Variants in CDYL observed in about 807,000 individuals in gnomAD.
CDYL encodes the protein chromodomain Y like.
A neutral mutation model predicts 47.3 loss-of-function variants in CDYL; 8 were observed. The ratio of observed to expected loss-of-function variants is 0.17; its 90% CI spans 0.10 to 0.31. The LOEUF (loss-of-function observed/expected upper bound fraction) is 0.31. Ranked by LOEUF, CDYL falls within the 10% of genes least tolerant of loss-of-function variation. The pLI is 1.00. For synonymous variants in CDYL, 266 were observed against 265.0 expected (o/e 1.00, Z -0.04); for missense variants, 471 against 701.4 (o/e 0.67, Z 3.71).
chr6:4,870,747 C>A (rs1388504391), intron 1 of CDYL, among the ~76,000 whole-genome samples: 1 of 152,098 alleles, frequency 6.6e-6, no homozygotes, highest in Non-Finnish European at 1.5e-5. Flanking sequence ...CTCAAATGTT[C>A]ACTGATTCTT....
intron 1 of CDYL, among the ~76,000 whole-genome samples, chr6:4,862,944 A>C (rs960763756): frequency 1.3e-5 from 2 of 152,228 alleles, no homozygotes; most frequent in African/African-American, 4.8e-5. Context: ...AAATCATGGA[A>C]TCTACTTAAG....
Position 4,730,674 on chromosome 6 carries a change from CAAAAAAAAAAAA to C in CDYL, c.104-4073_104-4062del, listed in dbSNP as rs56956798. Among the ~76,000 whole-genome samples, 389 of 60,460 alleles carry C rather than the reference CAAAAAAAAAAAA, an allele frequency of 6.4e-3. 3 individuals carry two copies. The highest frequency in any genetic ancestry group is 0.018 in the African/African-American group (371 of 20,714). The allele number at this position is 60,460 out of a possible 152,430, so 39.7% of individuals were successfully genotyped here. A position where few individuals can be genotyped will look rare whatever the true frequency, so the allele number is the denominator to read the frequency against. On this transcript the variant is annotated intron_variant, in intron 2 of 8. Transcript: ENST00000328908. ...GGGCAACAAGAGCGAAATTCCATCT[CAAAAAAAAAAAA>C]AAAAAAAAAAAAAAGAACATACCTC...
At chr6:4,858,503 C>T (rs530605201) in intron 1 of CDYL, among the ~76,000 whole-genome samples, 2 of 152,306 alleles carry the variant, frequency 1.3e-5, no homozygotes, top group East Asian at 1.9e-4. Flanking sequence ...CCAGAGCTCA[C>T]GGAGCTTAAG....
At chr6:4,734,987 CCTT>C (rs1757676239) in intron 3 of CDYL, 25 of 1,388,288 alleles carry the variant, frequency 1.8e-5, no homozygotes, top group Non-Finnish European at 2.4e-5. Flanking sequence ...GCTGTGGACT[CCTT>C]AGAATGATGT....
At chr6:4,765,594 T>G (rs1009547313) in intron 3 of CDYL, among the ~76,000 whole-genome samples, 1 of 151,656 alleles carries the variant, frequency 6.6e-6, no homozygotes, top group Non-Finnish European at 1.5e-5. Context: ...TACAGAGTCT[T>G]GCTCTGTCGC....
chr6:4,938,486 A>G (rs1758269332), intron 4 of CDYL, among the ~76,000 whole-genome samples: 2 of 152,212 alleles, frequency 1.3e-5, no homozygotes, highest in Admixed American at 6.5e-5. Flanking sequence ...ATATACTTAT[A>G]GTGTACAACA....
At chr6:4,925,552 A>T (rs1310171776) in intron 2 of CDYL, among the ~76,000 whole-genome samples, 3 of 151,298 alleles carry the variant, frequency 2.0e-5, no homozygotes, top group Admixed American at 2.0e-4. Context: ...AGTAGCTGGG[A>T]CTACAGGCAC....
chr6:4,856,137 A>G (rs1371944498), intron 1 of CDYL, among the ~76,000 whole-genome samples: 3 of 152,226 alleles, frequency 2.0e-5, no homozygotes, highest in Non-Finnish European at 2.9e-5. Flanking sequence ...ACCAGGGTAT[A>G]GCAGTGAACA....
At chr6:4,919,393 A>G (rs192794213) in intron 2 of CDYL, among the ~76,000 whole-genome samples, 5 of 152,352 alleles carry the variant, frequency 3.3e-5, no homozygotes, top group East Asian at 1.9e-4. Context: ...TGCACAATTT[A>G]TCATTGATAA....
intron 1 of CDYL, among the ~76,000 whole-genome samples, chr6:4,831,784 C>T (rs945193048): frequency 6.6e-6 from 1 of 152,100 alleles, no homozygotes; most frequent in Admixed American, 6.5e-5. Flanking sequence ...TTGAAGAGAC[C>T]CTTCACGTCC....
intron 1 of CDYL, among the ~76,000 whole-genome samples, chr6:4,706,549 T>G (rs1180613654): frequency 2.6e-5 from 4 of 152,076 alleles, no homozygotes; most frequent in Admixed American, 1.3e-4. Context: ...TCCCAGCACT[T>G]TGGGAGGCCA....
intron 3 of CDYL, among the ~76,000 whole-genome samples, chr6:4,737,413 G>T (rs1193437791): frequency 6.6e-6 from 1 of 152,106 alleles, no homozygotes; most frequent in African/African-American, 2.4e-5. Context: ...AGCACTTTGG[G>T]AGGCTGAGGC....
chr6:4,893,341 T>A (rs1391006154), intron 2 of CDYL, among the ~76,000 whole-genome samples: 3 of 152,172 alleles, frequency 2.0e-5, no homozygotes, highest in Non-Finnish European at 4.4e-5. Flanking sequence ...CTCCATCTGC[T>A]CAGGGGCCCC....
At chr6:4,914,380 A>G (rs1168757448) in intron 2 of CDYL, among the ~76,000 whole-genome samples, 1 of 151,818 alleles carries the variant, frequency 6.6e-6, no homozygotes, top group Non-Finnish European at 1.5e-5. Flanking sequence ...TCACCTCCAC[A>G]CTTTCTCATT....
intron 2 of CDYL, among the ~76,000 whole-genome samples, chr6:4,894,924 T>C (rs1016654498): frequency 1.2e-5 from 1 of 86,740 alleles, no homozygotes; most frequent in African/African-American, 3.7e-5. Flanking sequence ...TATATACACA[T>C]ATGTATGTGT....
chr6:4,907,676 A>G (rs1040383049), intron 2 of CDYL, among the ~76,000 whole-genome samples: 1 of 152,180 alleles, frequency 6.6e-6, no homozygotes, highest in African/African-American at 2.4e-5. Flanking sequence ...TCCAGCCTCT[A>G]ATACGGTTTT....
intron 5 of CDYL, among the ~76,000 whole-genome samples, chr6:4,949,516 A>G (rs1482072021): frequency 1.3e-5 from 2 of 152,180 alleles, no homozygotes; most frequent in Admixed American, 6.5e-5. Flanking sequence ...GGCATTTCCC[A>G]TCTCTCTGGA....
Position 4,951,293 on chromosome 6 carries a change from C to T in CDYL, c.1333-973C>T, listed in dbSNP as rs550581635. On this transcript the variant is annotated intron_variant, in intron 5 of 6. Coordinates refer to ENST00000397588, the MANE Select transcript of CDYL (RefSeq NM_004824.4). ...AGGAAGGTTAACCGGGCAAGATAAA[C>T]GACAGACCAAAAATTGTCCCCTCAG... Among the ~76,000 whole-genome samples the T allele has an allele frequency of 2.3e-3, 356 of 152,176 alleles. 3 individuals are homozygous for T. The highest frequency in any genetic ancestry group is 2.4e-3 in the Non-Finnish European group (162 of 68,004).
intron 4 of CDYL, among the ~76,000 whole-genome samples, chr6:4,941,274 C>T (rs116724044): frequency 0.019 from 2,957 of 152,374 alleles, 86 homozygotes; most frequent in African/African-American, 0.067. Context: ...AGGACCGTCC[C>T]AGGCTTGAAG....
Sources: gnomAD v4.1 joint callset for allele counts (sites outside exome capture counted in the v4.1 genomes callset) on GRCh38, gnomAD v4.1.1 for gene constraint, MANE v1.5 for transcripts, NCBI Gene and HGNC (gene_info 2026-07-23, HGNC 2026-07-21) for gene names.